Variants in COMMD10 observed in about 807,000 individuals in gnomAD.
COMMD10 encodes COMM domain containing 10.
COMMD10 carries 33 observed loss-of-function variants against 28.9 expected under a neutral mutation model. The ratio of observed to expected loss-of-function variants is 1.14; its 90% CI spans 0.87 to 1.53. The LOEUF is 1.53. Ranked by LOEUF, COMMD10 falls within the 40% of genes most tolerant of loss-of-function variation. COMMD10 has a pLI of 0.00. For synonymous variants in COMMD10, 110 were observed against 81.7 expected, an observed-to-expected ratio of 1.35 and a Z score of -1.87; for missense variants, 310 against 233.4, an observed-to-expected ratio of 1.33 and a Z score of -2.14.
chr5:116,231,994 C>T (rs1749541353), intron 5 of COMMD10, among the ~76,000 whole-genome samples: 1 of 152,084 alleles, frequency 6.6e-6, no homozygotes, highest in African/African-American at 2.4e-5. Flanking sequence ...AAGGGGTCAT[C>T]TAAATTAGTT....
chr5:116,259,083 CT>C (rs1408847692), intron 5 of COMMD10, among the ~76,000 whole-genome samples: 1 of 119,564 alleles, frequency 8.4e-6, no homozygotes, highest in Non-Finnish European at 1.7e-5. Context: ...TTTTTTTTTC[CT>C]GAGAGTCTCG....
intron 5 of COMMD10, among the ~76,000 whole-genome samples, chr5:116,283,605 C>G (rs916021883): frequency 6.6e-6 from 1 of 151,614 alleles, no homozygotes; most frequent in African/African-American, 2.4e-5. Context: ...CCTTGGCTTC[C>G]CAAAGTGCTG....
chr5:116,257,683 A>G (rs920595452), intron 5 of COMMD10, among the ~76,000 whole-genome samples: 1 of 151,690 alleles, frequency 6.6e-6, no homozygotes, highest in African/African-American at 2.4e-5. Flanking sequence ...TAAGGCGATC[A>G]GCTCTTTTCA....
intron 4 of COMMD10, among the ~76,000 whole-genome samples, chr5:116,100,153 G>T (rs2112721176): frequency 6.6e-6 from 1 of 152,164 alleles, no homozygotes; most frequent in South Asian, 2.1e-4. Context: ...TATCATGTTG[G>T]AGTTCAAAGA....
chr5:116,192,441 A>G (rs1748395414), intron 5 of COMMD10, among the ~76,000 whole-genome samples: 2 of 152,134 alleles, frequency 1.3e-5, no homozygotes, highest in Non-Finnish European at 2.9e-5. Flanking sequence ...TGAAGGGGGA[A>G]ATATTCAAGG....
chr5:116,199,099 C>A (rs1428753486), intron 5 of COMMD10, among the ~76,000 whole-genome samples: 4 of 152,130 alleles, frequency 2.6e-5, no homozygotes, highest in Admixed American at 2.6e-4. Flanking sequence ...GTTCTTGTTG[C>A]TCCTTATCCT....
chr5:116,208,233 G>C (rs1470859344), intron 5 of COMMD10, among the ~76,000 whole-genome samples: 1 of 152,148 alleles, frequency 6.6e-6, no homozygotes, highest in Non-Finnish European at 1.5e-5. Flanking sequence ...TGTTGTAAAA[G>C]TGATTTGACC....
intron 5 of COMMD10, among the ~76,000 whole-genome samples, chr5:116,138,886 A>G (rs911625903): frequency 6.6e-6 from 1 of 151,754 alleles, no homozygotes; most frequent in Non-Finnish European, 1.5e-5. Context: ...TGTGCTACAC[A>G]TAGTATCACT....
At chr5:116,270,516 A>G (rs997662335) in intron 5 of COMMD10, among the ~76,000 whole-genome samples, 1 of 151,886 alleles carries the variant, frequency 6.6e-6, no homozygotes, top group African/African-American at 2.4e-5. Context: ...TACTGATGAA[A>G]AGGAATGTTA....
At chr5:116,227,326 A>T (rs1749418396) in intron 5 of COMMD10, among the ~76,000 whole-genome samples, 1 of 152,016 alleles carries the variant, frequency 6.6e-6, no homozygotes, top group Non-Finnish European at 1.5e-5. Flanking sequence ...CTTACCAATA[A>T]TTCTGATAAC....
intron 5 of COMMD10, among the ~76,000 whole-genome samples, chr5:116,211,047 A>C (rs1326013959): frequency 6.6e-6 from 1 of 152,090 alleles, no homozygotes; most frequent in African/African-American, 2.4e-5. Flanking sequence ...TAATAATTTA[A>C]ATATTGCTAA....
intron 5 of COMMD10, among the ~76,000 whole-genome samples, chr5:116,227,668 G>A (rs567988491): frequency 2.6e-5 from 4 of 152,140 alleles, no homozygotes; most frequent in South Asian, 4.1e-4. Context: ...CCAAGGCATT[G>A]GCTTCAGGAT....
intron 5 of COMMD10, among the ~76,000 whole-genome samples, chr5:116,168,887 A>T (rs1658536166): frequency 6.6e-6 from 1 of 152,238 alleles, no homozygotes; most frequent in South Asian, 2.1e-4. Flanking sequence ...GGAAAGATCT[A>T]AAATTGACAC....
At chr5:116,286,377 A>G (rs141794367) in intron 5 of COMMD10, among the ~76,000 whole-genome samples, 1 of 143,868 alleles carries the variant, frequency 7.0e-6, no homozygotes, top group African/African-American at 2.6e-5. Flanking sequence ...GTTGTAATCT[A>G]TATTATTTTC....
chr5:116,165,612 A>G (rs536556199), intron 5 of COMMD10, among the ~76,000 whole-genome samples: 2 of 151,554 alleles, frequency 1.3e-5, no homozygotes, highest in South Asian at 4.2e-4. Context: ...GTGTGGGTGT[A>G]TCTGTGTGTG....
chr5:116,268,896 A>G (rs1487433713), intron 5 of COMMD10, among the ~76,000 whole-genome samples: 4 of 151,480 alleles, frequency 2.6e-5, no homozygotes, highest in Non-Finnish European at 5.9e-5. Flanking sequence ...GAATTGAACA[A>G]TGAGAACACT....
At chr5:116,165,700 C>CT (rs1448505702) in intron 5 of COMMD10, among the ~76,000 whole-genome samples, 1 of 149,340 alleles carries the variant, frequency 6.7e-6, no homozygotes, top group Non-Finnish European at 1.5e-5. Context: ...GTTTCTTTTT[C>CT]TTTTTTCTTA....
At position 116,159,455 on chromosome 5, in the gene COMMD10, C is replaced by A. The variant is rs185499300; in HGVS notation, c.510+25277C>A. 2.0e-5 allele frequency among the ~76,000 whole-genome samples: 3 copies of A among 152,160 alleles called. No homozygotes were observed. The South Asian group carries it at 6.2e-4, about 31-fold the overall frequency. ...TGGAGAGAGGCCTTTCCTGAACATA[C>A]ATTGCAAATACTTGCAGTGTCCCTC... On this transcript the variant is annotated intron_variant, in intron 5 of 6. Coordinates refer to ENST00000274458, the MANE Select transcript of COMMD10 (RefSeq NM_016144.4).
intron 3 of COMMD10, among the ~76,000 whole-genome samples, chr5:116,091,937 C>T (rs1374846118): frequency 6.6e-6 from 1 of 152,182 alleles, no homozygotes; most frequent in Non-Finnish European, 1.5e-5. Context: ...CAGTTATCTA[C>T]TACAGCCTTA....
Sources: allele counts gnomAD v4.1 joint callset (sites outside exome capture counted in the v4.1 genomes callset), GRCh38; gene constraint gnomAD v4.1.1; transcripts MANE v1.5; gene names NCBI Gene and HGNC (gene_info 2026-07-23, HGNC 2026-07-21).